The following FER variants were observed in gnomAD, a reference collection of about 807,000 sequenced individuals.
The protein encoded by FER is FER tyrosine kinase, also known as tyrosine-protein kinase Fer.
FER carries 63 observed loss-of-function variants against 111.0 expected under a neutral mutation model. The ratio of observed to expected loss-of-function variants is 0.57; its 90% CI spans 0.46 to 0.70. The LOEUF (loss-of-function observed/expected upper bound fraction) is 0.70. Ranked by LOEUF, FER falls within the 30% of genes least tolerant of loss-of-function variation. FER has a pLI of 0.00. For synonymous variants in FER, 327 were observed against 313.9 expected (o/e 1.04, Z -0.44); for missense variants, 914 against 954.0 (o/e 0.96, Z 0.55).
intron 17 of FER, among the ~76,000 whole-genome samples, chr5:109,178,842 C>A (rs73779318): frequency 0.01 from 1,582 of 152,304 alleles, 21 homozygotes; most frequent in African/African-American, 0.036. Flanking sequence ...TACAACACAT[C>A]AGCCAGAAAT....
At chr5:108,997,365 C>T (rs116652830) in intron 13 of FER, among the ~76,000 whole-genome samples, 17,078 of 145,812 alleles carry the variant, frequency 0.12, 1,068 homozygotes, top group Middle Eastern at 0.17. Context: ...TTGCAGTGAG[C>T]GAGAGCATGC....
Position 108,760,860 on chromosome 5 carries a change from C to T in FER, c.-205-7233C>T, listed in dbSNP as rs188828945. On this transcript the variant is annotated intron_variant, in intron 1 of 19. Coordinates refer to ENST00000281092, the MANE Select transcript of FER (RefSeq NM_005246.4). ...CTGGAGGAGCACTTTTAATTTTCTT[C>T]AATAACTTTTCCTTTGCTTTTACAA... 4.4e-3 allele frequency among the ~76,000 whole-genome samples: 666 copies of T among 152,174 alleles called. 6 individuals are homozygous for T. The highest frequency in any genetic ancestry group is 0.016 in the African/African-American group (650 of 41,538).
intron 16 of FER, among the ~76,000 whole-genome samples, chr5:109,097,577 C>T (rs1005118444): frequency 3.3e-5 from 5 of 151,770 alleles, no homozygotes; most frequent in African/African-American, 1.2e-4. Flanking sequence ...ATGAAAATGA[C>T]AAAAGAACAA....
At chr5:109,160,589 G>C (rs1755881298) in intron 17 of FER, among the ~76,000 whole-genome samples, 1 of 152,026 alleles carries the variant, frequency 6.6e-6, no homozygotes, top group African/African-American at 2.4e-5. Flanking sequence ...TCCAATCCTG[G>C]TTCAAGTAAC....
intron 3 of FER, chr5:108,820,659 A>G (rs150167745): frequency 5.0e-6 from 2 of 401,084 alleles, no homozygotes; most frequent in East Asian, 3.2e-4. Context: ...AACTGAGCTA[A>G]TGCAGCTCAG....
chr5:109,050,433 G>C (rs1024676459), intron 16 of FER, among the ~76,000 whole-genome samples: 13 of 152,158 alleles, frequency 8.5e-5, no homozygotes, highest in African/African-American at 3.1e-4. Flanking sequence ...TACTGTATCT[G>C]CTTGTACCAA....
At chr5:109,045,755 G>C (rs1361225142) in intron 15 of FER, among the ~76,000 whole-genome samples, 1 of 152,190 alleles carries the variant, frequency 6.6e-6, no homozygotes, top group Non-Finnish European at 1.5e-5. Context: ...GGAAATGGGA[G>C]GCCTGGAAAG....
At position 108,861,280 on chromosome 5, in the gene FER, G is replaced by A. The variant is rs533137989; in HGVS notation, c.482-6487G>A. Among the ~76,000 whole-genome samples the A allele has an allele frequency of 2.0e-5, 3 of 152,294 alleles. No homozygotes were observed. The South Asian group carries it at 6.2e-4, about 32-fold the overall frequency. ...ACTTCAGAAGTTTATAATAAAAAAA[G>A]TGACTTTTTAGACTAGCTTAATGAG... is the stretch of plus-strand genomic sequence containing the variant. On this transcript the variant is annotated intron_variant, in intron 5 of 19. Transcript: ENST00000281092.
At chr5:109,121,239 A>G (rs774168041) in intron 17 of FER, among the ~76,000 whole-genome samples, 1 of 152,096 alleles carries the variant, frequency 6.6e-6, no homozygotes. Context: ...TCTGTCATGT[A>G]TGGCTTTTAA....
intron 10 of FER, among the ~76,000 whole-genome samples, chr5:108,945,419 T>G (rs1435206115): frequency 6.6e-6 from 1 of 152,114 alleles, no homozygotes; most frequent in Non-Finnish European, 1.5e-5. Context: ...ATAAAATGGA[T>G]CTAAAGATTT....
intron 13 of FER, among the ~76,000 whole-genome samples, chr5:109,029,866 C>T (rs555182121): frequency 8.3e-4 from 126 of 152,198 alleles, no homozygotes; most frequent in Non-Finnish European, 1.5e-3. Context: ...TTGTGTCTTT[C>T]GCCAAATTTG....
chr5:108,976,667 A>T (rs1761390666), intron 13 of FER, among the ~76,000 whole-genome samples: 2 of 152,196 alleles, frequency 1.3e-5, no homozygotes, highest in Admixed American at 1.3e-4. Context: ...CTATATGTCT[A>T]TACTGTATTC....
intron 13 of FER, among the ~76,000 whole-genome samples, chr5:109,026,823 C>T (rs144258889): frequency 1.0e-3 from 157 of 152,118 alleles, no homozygotes; most frequent in Middle Eastern, 0.01. Context: ...GGATTACAGG[C>T]GCCCGCCACC....
intron 13 of FER, 126 bp from the exon 14 acceptor site, chr5:109,037,296 A>T: frequency 1.5e-6 from 1 of 680,724 alleles, no homozygotes; most frequent in Non-Finnish European, 2.6e-6. Context: ...ATAACTTCTC[A>T]GTGTGCTGTT....
chr5:108,935,902 A>G (rs1216281268), intron 10 of FER, among the ~76,000 whole-genome samples: 1 of 152,066 alleles, frequency 6.6e-6, no homozygotes, highest in African/African-American at 2.4e-5. Context: ...ACATTATTGG[A>G]GCAATTAAAT....
chr5:108,989,551 C>A (rs1762934316), intron 13 of FER, among the ~76,000 whole-genome samples: 1 of 151,914 alleles, frequency 6.6e-6, no homozygotes, highest in Non-Finnish European at 1.5e-5. Context: ...ATATTCCTTT[C>A]TTTCTGAGTG....
intron 17 of FER, among the ~76,000 whole-genome samples, chr5:109,113,591 T>C (rs562231033): frequency 2.6e-5 from 4 of 152,272 alleles, no homozygotes; most frequent in African/African-American, 9.6e-5. Flanking sequence ...GTTTAAATAT[T>C]GTTGCTTTAT....
intron 17 of FER, among the ~76,000 whole-genome samples, chr5:109,140,369 C>T (rs1338940155): frequency 6.6e-6 from 1 of 152,150 alleles, no homozygotes; most frequent in Non-Finnish European, 1.5e-5. Flanking sequence ...TAAGGTAGTA[C>T]ATCTTGTGCT....
chr5:108,965,194 T>C (rs1263533123), intron 13 of FER, among the ~76,000 whole-genome samples: 2 of 152,182 alleles, frequency 1.3e-5, no homozygotes, highest in African/African-American at 2.4e-5. Context: ...ATCAGGAATA[T>C]ATAAATCTCC....
Sources: gnomAD v4.1 joint callset for allele counts (sites outside exome capture counted in the v4.1 genomes callset) on GRCh38, gnomAD v4.1.1 for gene constraint, MANE v1.5 for transcripts, NCBI Gene and HGNC (gene_info 2026-07-23, HGNC 2026-07-21) for gene names.